Variants in PCDHA6 observed in about 807,000 individuals in gnomAD.
PCDHA6 encodes the protein protocadherin alpha-6.
PCDHA6 carries 55 observed loss-of-function variants against 60.3 expected under a neutral mutation model. That is an observed-to-expected ratio of 0.91 (90% CI 0.73 to 1.14). The LOEUF is 1.14. Among genes scored for constraint, PCDHA6 ranks in the 50% most tolerant of loss-of-function variants. The pLI is 0.00. For synonymous variants in PCDHA6, 652 were observed against 557.9 expected, an observed-to-expected ratio of 1.17 and a Z score of -2.38; for missense variants, 1,327 against 1,256.5, an observed-to-expected ratio of 1.06 and a Z score of -0.85.
chr5:140,974,309 TGA>T (rs1190034770), intron 1 of PCDHA6, among the ~76,000 whole-genome samples: 4 of 152,212 alleles, frequency 2.6e-5, no homozygotes, highest in South Asian at 4.1e-4. Context: ...CAACTGTGAG[TGA>T]GAGAGTAGCT....
intron 1 of PCDHA6, chr5:140,967,421 C>T (rs2096138629): frequency 6.2e-7 from 1 of 1,613,120 alleles, no homozygotes; most frequent in Non-Finnish European, 8.5e-7. Context: ...AGACCGGGAG[C>T]AGGCAGCCTT....
Position 140,829,457 on chromosome 5 carries a change from G to T in PCDHA6, c.1366G>T (p.Ala456Ser), listed in dbSNP as rs2150168279. 1.2e-6 allele frequency: 2 copies of T among 1,613,878 alleles called. No individual in the cohort carries two copies. Among genetic ancestry groups the T allele is most frequent in the Non-Finnish European group, 1.7e-6 (2 of 1,180,036 alleles). Residue 456 changes from alanine (A) to serine (S), a missense_variant, in exon 1 of 4, where the codon GCG (alanine) becomes TCG (serine). Coordinates refer to ENST00000529310, the MANE Select transcript of PCDHA6 (RefSeq NM_018909.4). ...CATGAATGACAATGCTCCGGCGTTC[G>T]CGCAGCCCGAGTACACAGTGTTCGT... Reference protein sequence around the residue: ...ADMNDNAPAFAQPEYTVFVKE... With the variant: ...ADMNDNAPAFSQPEYTVFVKE...
At chr5:140,941,197 TTCTTC>T (rs1554213863) in intron 1 of PCDHA6, among the ~76,000 whole-genome samples, 1 of 112,110 alleles carries the variant, frequency 8.9e-6, no homozygotes. Context: ...TTTTTTTTCT[TTCTTC>T]CTTTCTTTCT....
chr5:140,889,259 G>C (rs371831027), intron 1 of PCDHA6, among the ~76,000 whole-genome samples: 37 of 151,916 alleles, frequency 2.4e-4, no homozygotes, highest in African/African-American at 6.7e-4. Context: ...TCCTGTAAAA[G>C]TTTGTATAAT....
intron 1 of PCDHA6, chr5:140,966,941 G>C (rs1554228938): frequency 1.9e-6 from 3 of 1,604,498 alleles, no homozygotes; most frequent in Non-Finnish European, 2.5e-6. Context: ...CGCGCTCGTG[G>C]GCAACGTGGC....
intron 3 of PCDHA6, among the ~76,000 whole-genome samples, chr5:140,998,396 T>A (rs2097810780): frequency 6.6e-6 from 1 of 152,212 alleles, no homozygotes. Flanking sequence ...ATGCCATCTT[T>A]ATGCCAAAGT....
chr5:140,958,159 A>T (rs782390357), intron 1 of PCDHA6, among the ~76,000 whole-genome samples: 35 of 152,134 alleles, frequency 2.3e-4, no homozygotes, highest in Non-Finnish European at 4.3e-4. Flanking sequence ...CATAGTCAAA[A>T]GCCTGGAGTG....
At chr5:140,944,966 C>A (rs1554216639) in intron 1 of PCDHA6, among the ~76,000 whole-genome samples, 1 of 152,080 alleles carries the variant, frequency 6.6e-6, no homozygotes, top group Non-Finnish European at 1.5e-5. Context: ...ATTATCTTAA[C>A]CTCTCTGGTG....
chr5:140,999,480 A>G, intron 3 of PCDHA6, among the ~76,000 whole-genome samples: 1 of 152,176 alleles, frequency 6.6e-6, no homozygotes, highest in East Asian at 1.9e-4. Flanking sequence ...ATTCCAACTC[A>G]AGTCTATGTT....
At chr5:140,839,439 C>T (rs1038032080) in intron 1 of PCDHA6, among the ~76,000 whole-genome samples, 10 of 151,884 alleles carry the variant, frequency 6.6e-5, no homozygotes, top group Admixed American at 5.2e-4. Flanking sequence ...GCCCAGACTG[C>T]AGTGCAGTGG....
chr5:140,863,653 T>C (rs2048107718), intron 1 of PCDHA6: 1 of 297,060 alleles, frequency 3.4e-6, no homozygotes, highest in Admixed American at 4.5e-5. Flanking sequence ...ATTAATTTGA[T>C]TGCTTTATTT....
chr5:140,889,968 T>A (rs1373057542), intron 1 of PCDHA6, among the ~76,000 whole-genome samples: 2 of 152,170 alleles, frequency 1.3e-5, no homozygotes, highest in Non-Finnish European at 2.9e-5. Context: ...AAAATTACTA[T>A]CCAGTCTCCA....
At chr5:140,935,633 C>T (rs1316098876) in intron 1 of PCDHA6, among the ~76,000 whole-genome samples, 4 of 152,046 alleles carry the variant, frequency 2.6e-5, no homozygotes, top group African/African-American at 7.2e-5. Context: ...AAATTTAGGG[C>T]TTGCTTTTTA....
intron 1 of PCDHA6, among the ~76,000 whole-genome samples, chr5:140,975,124 C>T (rs560299893): frequency 6.6e-6 from 1 of 152,268 alleles, no homozygotes; most frequent in African/African-American, 2.4e-5. Flanking sequence ...TTCCTACTTA[C>T]TATTGGCCTG....
intron 1 of PCDHA6, chr5:140,884,288 C>T: frequency 6.2e-7 from 1 of 1,613,630 alleles, no homozygotes; most frequent in Non-Finnish European, 8.5e-7. Flanking sequence ...GGAGAGCGGC[C>T]AAGCGCCACA....
At chr5:140,864,927 G>T (rs2048656466) in intron 1 of PCDHA6, 1 of 152,138 alleles carries the variant, frequency 6.6e-6, no homozygotes, top group Non-Finnish European at 1.5e-5. Flanking sequence ...GCTTGGCAGG[G>T]TGTCTCAGGC....
intron 1 of PCDHA6, chr5:140,869,637 T>A: frequency 6.2e-7 from 1 of 1,613,610 alleles, no homozygotes; most frequent in Non-Finnish European, 8.5e-7. Flanking sequence ...ATGAGTATTT[T>A]TCTTTAGATT....
intron 1 of PCDHA6, chr5:140,877,134 C>G (rs1339173132): frequency 3.1e-6 from 5 of 1,613,594 alleles, no homozygotes; most frequent in African/African-American, 2.7e-5. Flanking sequence ...TGCAGGTGTT[C>G]GTGCTGGACG....
chr5:140,870,927 T>G (rs782446287), intron 1 of PCDHA6: 1 of 1,613,880 alleles, frequency 6.2e-7, no homozygotes, highest in South Asian at 1.1e-5. Context: ...GGCTTTCATA[T>G]GAATTGCAGC....
Sources: gnomAD v4.1 joint callset for allele counts (sites outside exome capture counted in the v4.1 genomes callset) on GRCh38, gnomAD v4.1.1 for gene constraint, MANE v1.5 for transcripts, NCBI Gene and HGNC (gene_info 2026-07-23, HGNC 2026-07-21) for gene names.